The following SLC49A4 variants were observed in gnomAD, a reference collection of about 807,000 sequenced individuals.
The protein encoded by SLC49A4 is disrupted in renal cancer protein 2.
In SLC49A4, 36 loss-of-function variants were observed where a neutral mutation model predicts 50.6. The ratio of observed to expected loss-of-function variants is 0.71; its 90% CI spans 0.55 to 0.94. The LOEUF (loss-of-function observed/expected upper bound fraction) is 0.94, where lower values mean the gene tolerates loss of function less well. SLC49A4 is among the 40% of genes least tolerant of loss of function. The pLI, the probability that SLC49A4 is intolerant of heterozygous loss-of-function variation, is 0.00. For missense variants in SLC49A4, 503 were observed against 605.7 expected (o/e 0.83, Z 1.78); for synonymous variants, 248 against 241.2 (o/e 1.03, Z -0.26).
At chr3:122,821,992 CA>C (rs1936460566) in intron 2 of SLC49A4, among the ~76,000 whole-genome samples, 1 of 152,130 alleles carries the variant, frequency 6.6e-6, no homozygotes, top group Non-Finnish European at 1.5e-5. Context: ...TCAGTGACTG[CA>C]TGTCCCTGTA....
rs745318504 is a variant in SLC49A4 at position 122,879,264 on chromosome 3, G to C, written c.1323G>C (p.Glu441Asp). The change falls in exon 9 of 9, where the codon GAG becomes GAC. Residue 441 changes from glutamate to aspartate, a missense_variant and splice_region_variant. By Grantham distance (45) the Glu-to-Asp change is conservative. Coordinates refer to ENST00000261038, the MANE Select transcript of SLC49A4 (RefSeq NM_032839.3). ...ACTGCATGTTTTTTTGTCTTACAGAGTTGTCTTGGTTCAACTGGTGCCTTC... is the reference window on the plus strand; with the variant it reads ...ACTGCATGTTTTTTTGTCTTACAGACTTGTCTTGGTTCAACTGGTGCCTTC... ...LLFFLTFYHT[E>D]LSWFNWCLPG... The C allele has an allele frequency of 3.1e-6, 5 of 1,612,738 alleles. No individual in the cohort carries two copies. The highest frequency in any genetic ancestry group is 4.2e-6 in the Non-Finnish European group (5 of 1,178,822).
intron 7 of SLC49A4, among the ~76,000 whole-genome samples, chr3:122,868,805 A>AT (rs1937155234): frequency 6.6e-6 from 1 of 152,232 alleles, no homozygotes; most frequent in Non-Finnish European, 1.5e-5. Context: ...TTTTATGGTA[A>AT]TACAAGAAGC....
At chr3:122,872,790 C>T (rs1199304124) in intron 8 of SLC49A4, among the ~76,000 whole-genome samples, 193 bp downstream of exon 8, 1 of 152,090 alleles carries the variant, frequency 6.6e-6, no homozygotes, top group Non-Finnish European at 1.5e-5. Context: ...CACCCTCACT[C>T]TTCTCTGCCC....
intron 1 of SLC49A4, among the ~76,000 whole-genome samples, chr3:122,797,773 G>T (rs1243811410): frequency 6.6e-6 from 1 of 152,140 alleles, no homozygotes; most frequent in Admixed American, 6.5e-5. Flanking sequence ...TTGAGCCCAG[G>T]AGTTAGAGAC....
chr3:122,875,202 C>T (rs1560245325), intron 8 of SLC49A4, among the ~76,000 whole-genome samples: 1 of 152,142 alleles, frequency 6.6e-6, no homozygotes, highest in African/African-American at 2.4e-5. Context: ...CAGCCTAGTA[C>T]CCTAAACATT....
intron 2 of SLC49A4, among the ~76,000 whole-genome samples, chr3:122,825,423 T>A (rs1207069011): frequency 1.3e-5 from 2 of 152,146 alleles, no homozygotes; most frequent in South Asian, 4.1e-4. Context: ...TGAGTTTTTT[T>A]AATTTAGTAA....
chr3:122,864,930 T>C (rs1305552043), intron 7 of SLC49A4, among the ~76,000 whole-genome samples: 1 of 152,186 alleles, frequency 6.6e-6, no homozygotes, highest in Non-Finnish European at 1.5e-5. Flanking sequence ...GGAGGATCAC[T>C]GGAGCCTGGA....
intron 7 of SLC49A4, among the ~76,000 whole-genome samples, chr3:122,863,712 A>G (rs1265132126): frequency 1.3e-5 from 2 of 152,210 alleles, no homozygotes; most frequent in South Asian, 4.1e-4. Flanking sequence ...AATCAGGAAA[A>G]TATCTAGTCT....
intron 8 of SLC49A4, among the ~76,000 whole-genome samples, chr3:122,875,216 T>C (rs1167543693): frequency 2.0e-5 from 3 of 152,352 alleles, no homozygotes; most frequent in East Asian, 1.9e-4. Context: ...AAACATTTTA[T>C]ATGATAAACT....
intron 5 of SLC49A4, among the ~76,000 whole-genome samples, chr3:122,851,667 G>A (rs1185278849): frequency 6.6e-6 from 1 of 151,930 alleles, no homozygotes; most frequent in East Asian, 1.9e-4. Flanking sequence ...ATGTCGTCTT[G>A]TTAGCTTGAT....
chr3:122,805,269 A>G (rs530960854), intron 1 of SLC49A4, among the ~76,000 whole-genome samples: 1 of 152,342 alleles, frequency 6.6e-6, no homozygotes, highest in Admixed American at 6.5e-5. Flanking sequence ...ACAGTTCCCT[A>G]TGGTATTCCT....
intron 3 of SLC49A4, among the ~76,000 whole-genome samples, chr3:122,829,982 A>G (rs1936587143): frequency 6.6e-6 from 1 of 152,212 alleles, no homozygotes. Context: ...GATCTAAAAA[A>G]AGATTTTAGC....
At chr3:122,827,362 C>G (rs115013034) in intron 3 of SLC49A4, among the ~76,000 whole-genome samples, 1 of 152,190 alleles carries the variant, frequency 6.6e-6, no homozygotes, top group Non-Finnish European at 1.5e-5. Context: ...TATGTCCTCT[C>G]TAGATATCTT....
chr3:122,813,353 G>A (rs1292188828), intron 2 of SLC49A4, among the ~76,000 whole-genome samples: 10 of 151,558 alleles, frequency 6.6e-5, no homozygotes, highest in Non-Finnish European at 1.5e-4. Context: ...TTTTCCAAGG[G>A]CCCACAATGT....
At position 122,806,863 on chromosome 3, in the gene SLC49A4, G is replaced by A; in HGVS notation, c.350G>A (p.Arg117Gln). The A allele has an allele frequency of 7.5e-6, 12 of 1,600,258 alleles. No individual in the cohort carries two copies. Among genetic ancestry groups the A allele is most frequent in the South Asian group, 1.1e-5 (1 of 90,560 alleles). ...FMWLLDKRGLRITVLLTSFLM... is the reference protein window; with the variant it reads ...FMWLLDKRGLQITVLLTSFLM... ...TGTCTTTGTTTCATTTTAGGTCTCC[G>A]GATAACTGTGCTCCTGACATCCTTC... The change falls in exon 2 of 9, where the codon CGG becomes CAG. Residue 117 changes from arginine (R) to glutamine (Q), a missense_variant. Coordinates refer to ENST00000261038, the MANE Select transcript of SLC49A4 (RefSeq NM_032839.3).
chr3:122,871,747 A>C (rs1937199406), intron 7 of SLC49A4, among the ~76,000 whole-genome samples: 1 of 152,168 alleles, frequency 6.6e-6, no homozygotes, highest in Admixed American at 6.5e-5. Flanking sequence ...CTTTCTTATA[A>C]GAATAATATC....
intron 8 of SLC49A4, among the ~76,000 whole-genome samples, chr3:122,878,781 G>A (rs1937297179): frequency 6.6e-6 from 1 of 151,988 alleles, no homozygotes; most frequent in African/African-American, 2.4e-5. Flanking sequence ...ATTTTACAGT[G>A]ATTTCTACTT....
intron 7 of SLC49A4, among the ~76,000 whole-genome samples, chr3:122,870,357 A>T (rs567743110): frequency 3.9e-4 from 59 of 150,620 alleles, no homozygotes; most frequent in African/African-American, 1.2e-3. Flanking sequence ...ATTTTTATTT[A>T]AAAAAAAACT....
At chr3:122,802,443 G>A (rs1180665219) in intron 1 of SLC49A4, among the ~76,000 whole-genome samples, 1 of 152,184 alleles carries the variant, frequency 6.6e-6, no homozygotes, top group African/African-American at 2.4e-5. Flanking sequence ...GATCTGCAGG[G>A]TGTTCCTCTT....
Sources: gnomAD v4.1 joint callset for allele counts (sites outside exome capture counted in the v4.1 genomes callset) on GRCh38, gnomAD v4.1.1 for gene constraint, MANE v1.5 for transcripts, NCBI Gene and HGNC (gene_info 2026-07-23, HGNC 2026-07-21) for gene names.